Variants in SYT14 observed in about 807,000 individuals in gnomAD.
SYT14 encodes the protein synaptotagmin 14.
SYT14 carries 32 observed loss-of-function variants against 74.2 expected under a neutral mutation model. The ratio of observed to expected loss-of-function variants is 0.43; its 90% CI spans 0.33 to 0.58. The LOEUF is 0.58. Among genes scored for constraint, SYT14 ranks in the 20% least tolerant of loss-of-function variants. SYT14 has a pLI of 0.05. For missense variants in SYT14, 791 were observed against 981.8 expected, an observed-to-expected ratio of 0.81 and a Z score of 2.60; for synonymous variants, 298 against 337.7, an observed-to-expected ratio of 0.88 and a Z score of 1.29.
intron 5 of SYT14, among the ~76,000 whole-genome samples, chr1:210,058,525 A>G (rs999108251): frequency 1.3e-5 from 2 of 152,150 alleles, no homozygotes; most frequent in Non-Finnish European, 1.5e-5. Context: ...TAATTAGGGG[A>G]TTAGGAGTAT....
At chr1:210,012,676 G>A (rs1429781741) in intron 2 of SYT14, among the ~76,000 whole-genome samples, 1 of 151,838 alleles carries the variant, frequency 6.6e-6, no homozygotes, top group Non-Finnish European at 1.5e-5. Context: ...ATATATCCGT[G>A]CATCAGATAT....
At chr1:209,953,376 A>G (rs982540102) in intron 2 of SYT14, 2 of 617,032 alleles carry the variant, frequency 3.2e-6, no homozygotes, top group Non-Finnish European at 4.9e-6. Context: ...CTATGAAATC[A>G]TATGAAGGAA....
intron 2 of SYT14, among the ~76,000 whole-genome samples, chr1:210,005,698 A>C (rs1172414984): frequency 1.3e-5 from 2 of 151,924 alleles, no homozygotes. Context: ...TTAGAATCAT[A>C]ATTCTAAAGC....
intron 7 of SYT14, among the ~76,000 whole-genome samples, chr1:210,139,320 G>T (rs867145458): frequency 9.3e-6 from 1 of 107,076 alleles, no homozygotes; most frequent in Admixed American, 1.4e-4. Context: ...TTGCCATGTT[G>T]CCCAGGCTGG....
intron 1 of SYT14, among the ~76,000 whole-genome samples, chr1:209,938,511 C>T (rs905343100): frequency 2.6e-5 from 4 of 151,960 alleles, no homozygotes; most frequent in African/African-American, 9.7e-5. Context: ...TTGCCGGCCT[C>T]CCGGCGGCCG....
chr1:210,060,711 A>T (rs182938129), intron 5 of SYT14, among the ~76,000 whole-genome samples: 18 of 152,158 alleles, frequency 1.2e-4, no homozygotes, highest in African/African-American at 3.6e-4. Flanking sequence ...CCATGCTGCT[A>T]TTATTGCTGA....
exon 10 of SYT14, chr1:210,166,309 T>G (rs542396416): frequency 6.6e-6 from 1 of 152,266 alleles, no homozygotes; most frequent in Non-Finnish European, 1.5e-5. Context: ...CTTACGCCTG[T>G]AATCCCAACA....
chr1:210,087,569 C>T (rs919678352), intron 5 of SYT14, among the ~76,000 whole-genome samples: 15 of 152,094 alleles, frequency 9.9e-5, no homozygotes, highest in Non-Finnish European at 1.9e-4. Flanking sequence ...CTGGGCCTTT[C>T]TTACCTGCTT....
chr1:209,960,690 A>G (rs2079063092), intron 2 of SYT14, among the ~76,000 whole-genome samples: 1 of 152,190 alleles, frequency 6.6e-6, no homozygotes, highest in African/African-American at 2.4e-5. Flanking sequence ...AACCTCATCA[A>G]TTAACATCTT....
chr1:210,139,970 A>C (rs1192560981), intron 7 of SYT14, among the ~76,000 whole-genome samples: 1 of 151,998 alleles, frequency 6.6e-6, no homozygotes, highest in Non-Finnish European at 1.5e-5. Context: ...ATATAGTTTC[A>C]TTTCTCTTGA....
At chr1:209,962,502 T>C (rs1380201636) in intron 2 of SYT14, among the ~76,000 whole-genome samples, 3 of 152,080 alleles carry the variant, frequency 2.0e-5, no homozygotes, top group Admixed American at 6.6e-5. Context: ...TCATTTACAA[T>C]TTAGTAGAAG....
intron 2 of SYT14, among the ~76,000 whole-genome samples, chr1:209,971,865 G>A (rs1236555133): frequency 1.3e-5 from 2 of 152,042 alleles, no homozygotes; most frequent in Non-Finnish European, 2.9e-5. Context: ...TTGTATTTTT[G>A]CCAAGTTTTG....
chr1:210,064,003 C>T (rs1448484761), intron 5 of SYT14, among the ~76,000 whole-genome samples: 4 of 152,040 alleles, frequency 2.6e-5, no homozygotes, highest in Admixed American at 6.6e-5. Flanking sequence ...CATATTTTCA[C>T]GATCCATTTT....
intron 1 of SYT14, among the ~76,000 whole-genome samples, chr1:209,940,717 A>G (rs566965631): frequency 1.3e-5 from 2 of 152,262 alleles, no homozygotes; most frequent in Admixed American, 6.5e-5. Context: ...TTCTCTCTAT[A>G]TATGATATCC....
intron 7 of SYT14, among the ~76,000 whole-genome samples, chr1:210,124,591 A>G (rs1208487197): frequency 1.3e-5 from 2 of 152,230 alleles, no homozygotes; most frequent in African/African-American, 4.8e-5. Context: ...TCAGAAGGGC[A>G]TCAAACTTTT....
At chr1:210,056,957 G>A (rs2102399207) in intron 5 of SYT14, among the ~76,000 whole-genome samples, 1 of 151,806 alleles carries the variant, frequency 6.6e-6, no homozygotes. Context: ...CAATTCTCCT[G>A]CCTCAGCCTC....
chr1:210,028,202 A>G lies in SYT14; in HGVS notation c.1312+6948A>G, dbSNP rs148327895. On this transcript the variant is annotated intron_variant, in intron 5 of 9. Coordinates refer to ENST00000637265, the Ensembl canonical transcript of SYT14. ...CGCTTATTTTAGTCAGCATGATGTC[A>G]TCAAGATTCATCCATGTTGTAGCAT... Among the ~76,000 whole-genome samples the G allele has an allele frequency of 8.7e-3, 1,332 of 152,278 alleles. 15 individuals carry two copies. The highest frequency in any genetic ancestry group is 0.03 in the African/African-American group (1,257 of 41,558).
chr1:210,119,769 T>C (rs1458933310), intron 7 of SYT14, among the ~76,000 whole-genome samples: 1 of 152,220 alleles, frequency 6.6e-6, no homozygotes, highest in African/African-American at 2.4e-5. Context: ...TTTTTAGGTG[T>C]TGATTATGCA....
chr1:210,104,113 G>C (rs1338174663), intron 7 of SYT14, among the ~76,000 whole-genome samples: 1 of 152,194 alleles, frequency 6.6e-6, no homozygotes, highest in Non-Finnish European at 1.5e-5. Context: ...TGATGGTGGA[G>C]GTATCTGGTG....
Sources: allele counts gnomAD v4.1 joint callset (sites outside exome capture counted in the v4.1 genomes callset), GRCh38; gene constraint gnomAD v4.1.1; transcripts MANE v1.5; gene names NCBI Gene and HGNC (gene_info 2026-07-23, HGNC 2026-07-21).